The following TMED3 variants were observed in gnomAD, a reference collection of about 807,000 sequenced individuals.
TMED3 encodes the protein transmembrane emp24 domain-containing protein 3.
In TMED3, 9 loss-of-function variants were observed where a neutral mutation model predicts 15.0. The ratio of observed to expected loss-of-function variants is 0.60; its 90% CI spans 0.36 to 1.04. The LOEUF (loss-of-function observed/expected upper bound fraction) is 1.04. TMED3 is among the 50% of genes least tolerant of loss of function. TMED3 has a pLI of 0.01. For missense variants in TMED3, 267 were observed against 278.9 expected, an observed-to-expected ratio of 0.96 and a Z score of 0.30; for synonymous variants, 117 against 121.4, an observed-to-expected ratio of 0.96 and a Z score of 0.24.
intron 2 of TMED3, among the ~76,000 whole-genome samples, chr15:79,366,979 T>G (rs1893248870): frequency 6.6e-6 from 1 of 152,178 alleles, no homozygotes; most frequent in Non-Finnish European, 1.5e-5. Flanking sequence ...CAGAGAATAA[T>G]GATGGCTAGG....
chr15:79,355,447 C>T (rs980106910), intron 2 of TMED3, among the ~76,000 whole-genome samples: 3 of 152,262 alleles, frequency 2.0e-5, no homozygotes, highest in Non-Finnish European at 4.4e-5. Flanking sequence ...CACACCAGCT[C>T]ACCCAAAGGA....
At chr15:79,318,614 C>T (rs2058750927) in intron 2 of TMED3, among the ~76,000 whole-genome samples, 1 of 152,202 alleles carries the variant, frequency 6.6e-6, no homozygotes, top group Non-Finnish European at 1.5e-5. Flanking sequence ...AGGGAGGCTT[C>T]TAGAAATGGC....
intron 2 of TMED3, among the ~76,000 whole-genome samples, chr15:79,395,476 T>C (rs1428494542): frequency 2.0e-5 from 3 of 152,240 alleles, no homozygotes; most frequent in Non-Finnish European, 2.9e-5. Context: ...CCACCGCGCC[T>C]GGCCAATGTT....
chr15:79,411,252 A>G (rs867385699), intron 2 of TMED3: 1 of 545,274 alleles, frequency 1.8e-6, no homozygotes, highest in Non-Finnish European at 3.3e-6. Context: ...AGGGGAGGAT[A>G]ATTAGAGCCA....
At position 79,371,707 on chromosome 15, in the gene TMED3, G is replaced by T. The variant is rs202184971; in HGVS notation, c.418-39693G>T. On this transcript the variant is annotated intron_variant, in intron 2 of 2. Coordinates refer to the TMED3 transcript ENST00000424155. Reference sequence around the variant, plus strand: ...GTCTTAGGACTAGAGGCATCTCTTGGTCTGCTGAAATGCCAACTCTGAAAA... The same window carrying T: ...GTCTTAGGACTAGAGGCATCTCTTGTTCTGCTGAAATGCCAACTCTGAAAA... Among the ~76,000 whole-genome samples the T allele has an allele frequency of 4.6e-5, 7 of 152,144 alleles. No individual in the cohort carries two copies. In the East Asian group the frequency reaches 1.3e-3, roughly 29 times the overall value.
chr15:79,360,632 A>G (rs1207954209), intron 2 of TMED3, among the ~76,000 whole-genome samples: 2 of 152,202 alleles, frequency 1.3e-5, no homozygotes, highest in Admixed American at 6.5e-5. Flanking sequence ...ACATCCCAAC[A>G]GCAGTGCCTT....
intron 2 of TMED3, among the ~76,000 whole-genome samples, chr15:79,331,712 A>G (rs1477549338): frequency 6.6e-6 from 1 of 152,228 alleles, no homozygotes; most frequent in Non-Finnish European, 1.5e-5. Flanking sequence ...AAGATAAAAA[A>G]TAAATCCAAT....
chr15:79,363,163 G>A (rs1251817060), intron 2 of TMED3, among the ~76,000 whole-genome samples: 1 of 152,154 alleles, frequency 6.6e-6, no homozygotes, highest in African/African-American at 2.4e-5. Flanking sequence ...TGAAAAAATA[G>A]TTTTATGTCT....
intron 2 of TMED3, among the ~76,000 whole-genome samples, chr15:79,332,516 G>A (rs187832784): frequency 1.1e-4 from 16 of 152,308 alleles, no homozygotes; most frequent in Non-Finnish European, 1.0e-4. Flanking sequence ...TAAAGACTTG[G>A]TTTTTCTCTT....
chr15:79,325,046 A>G (rs1033343293), downstream of TMED3, among the ~76,000 whole-genome samples: 1 of 152,194 alleles, frequency 6.6e-6, no homozygotes, highest in Non-Finnish European at 1.5e-5. Flanking sequence ...GCCTGGGTGG[A>G]ACTGACAGGT....
chr15:79,399,525 A>G (rs1244709164), intron 2 of TMED3, among the ~76,000 whole-genome samples: 1 of 152,188 alleles, frequency 6.6e-6, no homozygotes, highest in African/African-American at 2.4e-5. Flanking sequence ...GAGAAGTAGG[A>G]TGGTGTGTAG....
At chr15:79,387,383 T>C (rs1893639403) in intron 2 of TMED3, among the ~76,000 whole-genome samples, 1 of 152,184 alleles carries the variant, frequency 6.6e-6, no homozygotes, top group South Asian at 2.1e-4. Context: ...GTTTCTAGAC[T>C]CTTTATTTCC....
chr15:79,394,146 G>A (rs552058425), intron 2 of TMED3, among the ~76,000 whole-genome samples: 3 of 152,160 alleles, frequency 2.0e-5, no homozygotes, highest in Non-Finnish European at 4.4e-5. Flanking sequence ...TGGGGAGTAG[G>A]GGGGTGGGTG....
intron 2 of TMED3, among the ~76,000 whole-genome samples, chr15:79,360,510 G>C (rs540446648): frequency 1.3e-5 from 2 of 152,356 alleles, no homozygotes; most frequent in Non-Finnish European, 2.9e-5. Flanking sequence ...GCTACTAACT[G>C]AGGACTTTTG....
intron 2 of TMED3, among the ~76,000 whole-genome samples, chr15:79,385,965 A>T (rs925979264): frequency 1.3e-5 from 2 of 152,164 alleles, no homozygotes; most frequent in Non-Finnish European, 2.9e-5. Flanking sequence ...ACCAGAATCC[A>T]CAGTCTTCAT....
intron 2 of TMED3, chr15:79,315,931 G>A (rs1446190494): frequency 6.6e-6 from 1 of 152,266 alleles, no homozygotes; most frequent in Non-Finnish European, 1.5e-5. Context: ...TGAAGCGCCA[G>A]GAGTCTTGAG....
chr15:79,331,652 A>T (rs2058809668), intron 2 of TMED3, among the ~76,000 whole-genome samples: 2 of 152,204 alleles, frequency 1.3e-5, no homozygotes, highest in South Asian at 2.1e-4. Flanking sequence ...CGAAGTATTC[A>T]TCAGATAAAG....
chr15:79,343,324 C>CA, intron 2 of TMED3, among the ~76,000 whole-genome samples: 1 of 152,278 alleles, frequency 6.6e-6, no homozygotes, highest in South Asian at 2.1e-4. Context: ...TGCCTGTTAA[C>CA]AACTAATCTG....
intron 2 of TMED3, among the ~76,000 whole-genome samples, chr15:79,372,828 T>C (rs1031692419): frequency 1.2e-4 from 18 of 152,214 alleles, no homozygotes; most frequent in African/African-American, 4.1e-4. Context: ...GTAGTTAGAA[T>C]TGAACAGAAT....
Sources: allele counts gnomAD v4.1 joint callset (sites outside exome capture counted in the v4.1 genomes callset), GRCh38; gene constraint gnomAD v4.1.1; transcripts MANE v1.5; gene names NCBI Gene and HGNC (gene_info 2026-07-23, HGNC 2026-07-21).